The following DHX32 variants were observed in gnomAD, a reference collection of about 807,000 sequenced individuals.
The protein encoded by DHX32 is putative pre-mRNA-splicing factor ATP-dependent RNA helicase DHX32.
Under a neutral mutation model 70.0 loss-of-function variants are expected in DHX32, and 51 were observed. The ratio of observed to expected loss-of-function variants is 0.73; its 90% CI spans 0.58 to 0.92. The LOEUF (loss-of-function observed/expected upper bound fraction) is 0.92, where lower values mean the gene tolerates loss of function less well. DHX32 is among the 40% of genes least tolerant of loss of function. The pLI, the probability that DHX32 is intolerant of heterozygous loss-of-function variation, is 0.00. For synonymous variants in DHX32, 310 were observed against 315.3 expected (o/e 0.98, Z 0.18); for missense variants, 762 against 891.8 (o/e 0.85, Z 1.85).
At chr10:125,846,439 A>T (rs1041262036) in intron 6 of DHX32, among the ~76,000 whole-genome samples, 3 of 152,116 alleles carry the variant, frequency 2.0e-5, no homozygotes, top group African/African-American at 7.2e-5. Flanking sequence ...TTGGTTCATG[A>T]TTTCCTCATA....
chr10:125,891,950 C>T (rs1412488405), intron 1 of DHX32, among the ~76,000 whole-genome samples: 1 of 152,186 alleles, frequency 6.6e-6, no homozygotes, highest in Admixed American at 6.5e-5. Context: ...ATTTTAACTT[C>T]AATCACTAAA....
intron 1 of DHX32, among the ~76,000 whole-genome samples, chr10:125,890,043 A>C (rs1198575854): frequency 2.0e-5 from 3 of 152,280 alleles, no homozygotes; most frequent in Non-Finnish European, 4.4e-5. Context: ...CTGCTTCCTG[A>C]CTATGTTACA....
upstream of DHX32, among the ~76,000 whole-genome samples, chr10:125,883,800 A>G (rs916513887): frequency 2.6e-5 from 4 of 152,208 alleles, no homozygotes; most frequent in Admixed American, 2.0e-4. Context: ...ATCAGTTGCC[A>G]AAACAGAATG....
chr10:125,877,996 T>G (rs752896872), intron 1 of DHX32, among the ~76,000 whole-genome samples: 19 of 152,222 alleles, frequency 1.2e-4, no homozygotes, highest in Non-Finnish European at 2.8e-4. Context: ...ATCGCGAGAA[T>G]CTAGAAATGA....
At position 125,859,040 on chromosome 10, in the gene DHX32, TGTTTG is replaced by T. The variant is rs1399202650; in HGVS notation, c.849+558_849+562del. 4.9e-5 allele frequency among the ~76,000 whole-genome samples: 7 copies of T among 141,582 alleles called. No homozygotes were observed. In the East Asian group the frequency reaches 1.2e-3, roughly 25 times the overall value. 92.9% of individuals were successfully genotyped at this position (141,582 alleles called of 152,430 possible). A position where few individuals can be genotyped will look rare whatever the true frequency, so the allele number is the denominator to read the frequency against. On this transcript the variant is annotated intron_variant, in intron 3 of 10. Coordinates refer to ENST00000284690, the MANE Select transcript of DHX32 (RefSeq NM_018180.3). ...TTAAAGGTTTTTTTTTTTGTTTGTT[TGTTTG>T]TTTTTTTTTTTTTTTTTTAATCTTT...
chr10:125,869,419 T>C (rs1944242913), intron 1 of DHX32: 1 of 151,946 alleles, frequency 6.6e-6, no homozygotes, highest in Admixed American at 6.6e-5. Flanking sequence ...CTACTGAAAA[T>C]ACAAAAATTA....
At chr10:125,860,752 A>ATTTT (rs397747204) in intron 2 of DHX32, among the ~76,000 whole-genome samples, 2,469 of 111,720 alleles carry the variant, frequency 0.022, 142 homozygotes, top group South Asian at 0.029. Flanking sequence ...AACCAATCCC[A>ATTTT]TTTTTTTTTT....
chr10:125,850,301 T>C (rs773986404), intron 6 of DHX32, among the ~76,000 whole-genome samples: 3 of 151,472 alleles, frequency 2.0e-5, no homozygotes, highest in Non-Finnish European at 4.4e-5. Context: ...AATTCCTCTT[T>C]TCACCAGAGC....
In DHX32 at chr10:125,839,306, C is replaced by T. The variant is rs146303579; in HGVS notation, c.1694-118G>A. 363 of 1,017,510 alleles carry T rather than the reference C, an allele frequency of 3.6e-4. No individual in the cohort carries two copies. In the African/African-American group the frequency reaches 5.2e-3, roughly 15 times the overall value. The allele number at this position is 1,017,510 out of a possible 1,614,324, so 63.0% of individuals were successfully genotyped here. A position where few individuals can be genotyped will look rare whatever the true frequency, so the allele number is the denominator to read the frequency against. ...CTCTCCTCTCCTACAAAGGAGGCCA[C>T]GTAGGTGAGTGGCAGGAAGGCAGCA... On this transcript the variant is annotated intron_variant, in intron 8 of 10. Coordinates refer to ENST00000284690, the MANE Select transcript of DHX32 (RefSeq NM_018180.3).
intron 1 of DHX32, among the ~76,000 whole-genome samples, chr10:125,874,411 T>G (rs1944272459): frequency 6.6e-6 from 1 of 152,202 alleles, no homozygotes; most frequent in African/African-American, 2.4e-5. Flanking sequence ...TAAGCCTAAT[T>G]CATTGAAATA....
At chr10:125,857,071 C>G (rs892345503) in intron 3 of DHX32, among the ~76,000 whole-genome samples, 5 of 152,126 alleles carry the variant, frequency 3.3e-5, no homozygotes, top group Admixed American at 6.6e-5. Flanking sequence ...ATATAGAAAT[C>G]AAGAAAGCAT....
chr10:125,894,608 CCATT>C (rs1944404787), intron 1 of DHX32, among the ~76,000 whole-genome samples: 1 of 152,302 alleles, frequency 6.6e-6, no homozygotes, highest in Non-Finnish European at 1.5e-5. Context: ...ATACATATCC[CCATT>C]TTTTCCAAAC....
chr10:125,859,152 A>C (rs1241062303), intron 3 of DHX32, among the ~76,000 whole-genome samples: 4 of 151,514 alleles, frequency 2.6e-5, no homozygotes, highest in Non-Finnish European at 4.4e-5. Flanking sequence ...CTATCACAGG[A>C]CTGCTTGTGG....
intron 6 of DHX32, among the ~76,000 whole-genome samples, chr10:125,850,682 T>C (rs191393569): frequency 6.6e-6 from 1 of 152,312 alleles, no homozygotes; most frequent in East Asian, 1.9e-4. Flanking sequence ...CATTTTCCCC[T>C]GTTTTCATGA....
intron 1 of DHX32, among the ~76,000 whole-genome samples, chr10:125,875,365 T>C (rs1944278420): frequency 6.6e-6 from 1 of 151,826 alleles, no homozygotes; most frequent in Non-Finnish European, 1.5e-5. Flanking sequence ...ATGTACTAGA[T>C]GAACCTGGAA....
intron 6 of DHX32, chr10:125,842,166 G>A: frequency 1.8e-6 from 1 of 542,006 alleles, no homozygotes; most frequent in Non-Finnish European, 3.0e-6. Context: ...GGTCCCAGCT[G>A]CAGTGTGCAT....
At chr10:125,851,650 A>G (rs1944090322) in intron 6 of DHX32, among the ~76,000 whole-genome samples, 1 of 152,144 alleles carries the variant, frequency 6.6e-6, no homozygotes, top group East Asian at 1.9e-4. Context: ...AGAATATGCC[A>G]CCCCAAAATA....
chr10:125,875,048 G>A (rs531983008), intron 1 of DHX32, among the ~76,000 whole-genome samples: 4 of 151,988 alleles, frequency 2.6e-5, no homozygotes, highest in Admixed American at 6.6e-5. Flanking sequence ...ACAAAACCCC[G>A]TCTCTATAAA....
intron 9 of DHX32, 92 bp downstream of exon 9, chr10:125,838,903 TAATGTC>T: frequency 7.6e-7 from 1 of 1,307,780 alleles, no homozygotes; most frequent in East Asian, 2.4e-5. Context: ...TAGTTTTACT[TAATGTC>T]AAAATCATCA....
Sources: allele counts gnomAD v4.1 joint callset (sites outside exome capture counted in the v4.1 genomes callset), GRCh38; gene constraint gnomAD v4.1.1; transcripts MANE v1.5; gene names NCBI Gene and HGNC (gene_info 2026-07-23, HGNC 2026-07-21).